Variants in NLGN1 observed in about 807,000 individuals in gnomAD.
NLGN1 encodes neuroligin 1.
In NLGN1, 12 loss-of-function variants were observed where a neutral mutation model predicts 65.5. The observed-to-expected ratio is 0.18, with a 90% CI of 0.12 to 0.30. The LOEUF is 0.30. Among genes scored for constraint, NLGN1 ranks in the 10% least tolerant of loss-of-function variants. The pLI is 1.00. For missense variants in NLGN1, 750 were observed against 1,007.1 expected (o/e 0.74, Z 3.46); for synonymous variants, 350 against 359.5 (o/e 0.97, Z 0.30).
At chr3:173,424,451 TC>T (rs1326750175) in intron 1 of NLGN1, among the ~76,000 whole-genome samples, 1 of 152,170 alleles carries the variant, frequency 6.6e-6, no homozygotes, top group Non-Finnish European at 1.5e-5. Flanking sequence ...ATACTCTGCT[TC>T]CCTTTTAAAC....
At chr3:174,083,801 T>TAA (rs59402160) in intron 4 of NLGN1, among the ~76,000 whole-genome samples, 1 of 145,178 alleles carries the variant, frequency 6.9e-6, no homozygotes, top group Non-Finnish European at 1.5e-5. Flanking sequence ...AAGGAACAGG[T>TAA]AAAAAAAAAA....
chr3:173,616,886 T>C (rs1040892461), intron 3 of NLGN1, among the ~76,000 whole-genome samples: 11 of 152,186 alleles, frequency 7.2e-5, no homozygotes, highest in Non-Finnish European at 7.4e-5. Flanking sequence ...GGATTCTCTA[T>C]TGCTTTTTAA....
At chr3:173,422,062 CA>C (rs1430575640) in intron 1 of NLGN1, among the ~76,000 whole-genome samples, 3 of 151,060 alleles carry the variant, frequency 2.0e-5, no homozygotes, top group African/African-American at 7.3e-5. Context: ...CAAATAAACT[CA>C]AACACTTATC....
Position 173,571,890 on chromosome 3 carries a change from T to C in NLGN1, c.-320-32389T>C, listed in dbSNP as rs564627067. 5.6e-4 allele frequency among the ~76,000 whole-genome samples: 86 copies of C among 152,332 alleles called. 1 individual carries two copies. The highest frequency in any genetic ancestry group is 5.4e-3 in the Admixed American group (83 of 15,306). On this transcript the variant is annotated intron_variant, in intron 2 of 6. Coordinates refer to ENST00000457714, the Ensembl canonical transcript of NLGN1. ...TGTTAGGTTAAAAGATCTTCCTTTATGCAATGTGAACAGGGTAAAAAATTA... is the reference window on the plus strand; with the variant it reads ...TGTTAGGTTAAAAGATCTTCCTTTACGCAATGTGAACAGGGTAAAAAATTA...
At chr3:173,604,759 T>C in exon 3 of NLGN1, 4 of 1,613,752 alleles carry the variant, frequency 2.5e-6, no homozygotes, top group Non-Finnish European at 3.4e-6. Context: ...GTGGACCCAC[T>C]GGTGGCTACC....
intron 4 of NLGN1, among the ~76,000 whole-genome samples, chr3:174,098,019 G>A (rs566159848): frequency 1.6e-4 from 25 of 152,240 alleles, no homozygotes; most frequent in Middle Eastern, 3.4e-3. Context: ...ATATCACTGA[G>A]GTGGTATTAA....
intron 4 of NLGN1, among the ~76,000 whole-genome samples, chr3:174,237,345 C>CT (rs1741904824): frequency 6.6e-6 from 1 of 152,110 alleles, no homozygotes. Context: ...CTACAATTTA[C>CT]TTATACTGTT....
chr3:173,509,141 A>G (rs1732516439), intron 2 of NLGN1, among the ~76,000 whole-genome samples: 3 of 152,156 alleles, frequency 2.0e-5, no homozygotes, highest in African/African-American at 7.2e-5. Flanking sequence ...TTATTGTTAT[A>G]AAGTCTCCTT....
chr3:174,239,864 G>GA (rs906233643), intron 4 of NLGN1, among the ~76,000 whole-genome samples: 10 of 151,970 alleles, frequency 6.6e-5, no homozygotes, highest in Non-Finnish European at 1.5e-4. Context: ...TAAAGAAAAA[G>GA]AAAACATTAA....
chr3:174,125,103 G>A (rs1718651995), intron 4 of NLGN1, among the ~76,000 whole-genome samples: 1 of 151,932 alleles, frequency 6.6e-6, no homozygotes, highest in Non-Finnish European at 1.5e-5. Flanking sequence ...CAAAGGTTGA[G>A]GTTTTTTATT....
intron 4 of NLGN1, among the ~76,000 whole-genome samples, chr3:174,105,780 TC>T (rs1178972484): frequency 2.0e-5 from 3 of 151,938 alleles, no homozygotes; most frequent in Non-Finnish European, 4.4e-5. Context: ...TATTACCTTT[TC>T]CAATAGAAAA....
At chr3:174,275,153 T>C (rs1047749568) in intron 4 of NLGN1, among the ~76,000 whole-genome samples, 162 bp from the exon 5 acceptor site, 1 of 151,902 alleles carries the variant, frequency 6.6e-6, no homozygotes, top group Non-Finnish European at 1.5e-5. Context: ...CTACTAACTA[T>C]TCTTGCTAAA....
At position 174,279,930 on chromosome 3, in the gene NLGN1, A is replaced by G. The variant is rs1751264758; in HGVS notation, c.1649+280A>G. 2.6e-5 allele frequency among the ~76,000 whole-genome samples: 4 copies of G among 152,062 alleles called. No individual in the cohort carries two copies. The South Asian group carries it at 8.3e-4, about 31-fold the overall frequency. ...AATTATACAAGACTTGTTATTGTTC[A>G]GCAGTAATAAATATTATTTTATAGT... On this transcript the variant is annotated intron_variant, in intron 6 of 6. Coordinates refer to ENST00000457714, the Ensembl canonical transcript of NLGN1. The surrounding 1 kb of genome is among the most constrained non-coding windows in gnomAD (Gnocchi z 4.7).
chr3:173,855,466 T>C (rs1274353655), intron 4 of NLGN1, among the ~76,000 whole-genome samples: 1 of 152,076 alleles, frequency 6.6e-6, no homozygotes, highest in Non-Finnish European at 1.5e-5. Flanking sequence ...AGAGATGTAC[T>C]TGGCAAAAAA....
intron 4 of NLGN1, among the ~76,000 whole-genome samples, chr3:174,052,531 C>T (rs12493854): frequency 0.17 from 26,221 of 151,612 alleles, 2,363 homozygotes; most frequent in African/African-American, 0.22. Flanking sequence ...TATTTCTTAC[C>T]ATAACATTAT....
chr3:173,923,131 A>G (rs1268762785), intron 4 of NLGN1, among the ~76,000 whole-genome samples: 1 of 152,092 alleles, frequency 6.6e-6, no homozygotes, highest in Non-Finnish European at 1.5e-5. Context: ...ATTTGACTAT[A>G]TTTCATATTT....
At chr3:174,044,859 C>T (rs766454901) in intron 4 of NLGN1, among the ~76,000 whole-genome samples, 2 of 152,114 alleles carry the variant, frequency 1.3e-5, no homozygotes, top group African/African-American at 2.4e-5. Context: ...AGTGAATTCT[C>T]ATGAGATCCA....
intron 2 of NLGN1, among the ~76,000 whole-genome samples, chr3:173,513,938 G>T (rs1044569558): frequency 6.6e-6 from 1 of 152,174 alleles, no homozygotes; most frequent in Non-Finnish European, 1.5e-5. Flanking sequence ...TGAGGCAGTA[G>T]AATCGTTTGA....
chr3:173,897,306 T>C (rs760610252), intron 4 of NLGN1, among the ~76,000 whole-genome samples: 4 of 152,224 alleles, frequency 2.6e-5, no homozygotes, highest in African/African-American at 9.6e-5. Context: ...TCATAAAATA[T>C]CTACTATCTT....
Sources: allele counts gnomAD v4.1 joint callset (sites outside exome capture counted in the v4.1 genomes callset), GRCh38; gene constraint gnomAD v4.1.1; non-coding constraint Gnocchi (gnomAD v3.1); transcripts MANE v1.5; gene names NCBI Gene and HGNC (gene_info 2026-07-23, HGNC 2026-07-21).